The following EPHB1 variants were observed in gnomAD, a reference collection of about 807,000 sequenced individuals.
EPHB1 encodes the protein EPH receptor B1.
Under a neutral mutation model 94.4 loss-of-function variants are expected in EPHB1, and 30 were observed. The observed-to-expected ratio is 0.32, with a 90% CI of 0.24 to 0.43. The LOEUF is 0.43. EPHB1 is among the 20% of genes least tolerant of loss of function. The probability of loss-of-function intolerance (pLI) is 1.00; values close to 1 mark genes in which losing one functional copy is unlikely to be tolerated. For missense variants in EPHB1, 1,055 were observed against 1,308.3 expected (o/e 0.81, Z 2.99); for synonymous variants, 522 against 489.1 (o/e 1.07, Z -0.89).
rs115960529 is a variant in EPHB1, at chr3:135,142,710, G to A, written c.1297+9661G>A. 9.1e-3 allele frequency among the ~76,000 whole-genome samples: 1,388 copies of A among 152,242 alleles called. 7 individuals are homozygous for A. The highest frequency in any genetic ancestry group is 0.014 in the Non-Finnish European group (983 of 68,018). ...AGAGTCTAAGTGTGCCATGGAAATT[G>A]GCAGGCATGGAAGAGTTGTAGAGGC... On this transcript the variant is annotated intron_variant, in intron 5 of 15. Transcript: ENST00000398015.
intron 13 of EPHB1, 93 bp downstream of exon 13, chr3:135,241,390 C>A (rs1369790232): frequency 1.5e-5 from 23 of 1,504,204 alleles, no homozygotes; most frequent in Admixed American, 3.4e-5. Flanking sequence ...CAGCTCACGG[C>A]CTCATAATCT....
chr3:135,075,811 G>C (rs1937890649), intron 3 of EPHB1, among the ~76,000 whole-genome samples: 1 of 152,200 alleles, frequency 6.6e-6, no homozygotes, highest in African/African-American at 2.4e-5. Flanking sequence ...TGAAGGAGGA[G>C]AGATGCTCTT....
chr3:135,058,274 C>A (rs536169310), intron 3 of EPHB1, among the ~76,000 whole-genome samples: 2 of 152,170 alleles, frequency 1.3e-5, no homozygotes, highest in Non-Finnish European at 2.9e-5. Flanking sequence ...AATCAGAGCA[C>A]TAATATTTGA....
At chr3:135,076,260 T>TATATATATATATATATATATA (rs1424213544) in intron 3 of EPHB1, among the ~76,000 whole-genome samples, 2 of 104,348 alleles carry the variant, frequency 1.9e-5, no homozygotes, top group African/African-American at 7.2e-5. Context: ...TATATATATA[T>TATATATATATATATATATATA]AACTCTTAAA....
rs139570525 is a variant in EPHB1, at chr3:135,215,415, A to G, written c.2346+13726A>G. On this transcript the variant is annotated intron_variant, in intron 12 of 15. Transcript: ENST00000398015. ...CGACCTCAGGTAATCCGCCTGCCTTAGCCTCCCAAGCTGCTGGGATTACAG... is the reference window on the plus strand; with the variant it reads ...CGACCTCAGGTAATCCGCCTGCCTTGGCCTCCCAAGCTGCTGGGATTACAG... Among the ~76,000 whole-genome samples, 42 of 152,294 alleles carry G rather than the reference A, an allele frequency of 2.8e-4. No homozygotes were observed. In the East Asian group the frequency reaches 7.0e-3, roughly 25 times the overall value.
chr3:135,178,441 A>G (rs992751906), intron 9 of EPHB1, among the ~76,000 whole-genome samples: 6 of 148,948 alleles, frequency 4.0e-5, no homozygotes, highest in African/African-American at 1.3e-4. Flanking sequence ...AGCCTGGGCA[A>G]CAGAGCAAGA....
intron 12 of EPHB1, among the ~76,000 whole-genome samples, chr3:135,232,856 G>A (rs997598072): frequency 6.6e-6 from 1 of 152,114 alleles, no homozygotes; most frequent in African/African-American, 2.4e-5. Flanking sequence ...AGCAAGAAGT[G>A]CCAAGCAAAA....
At chr3:135,227,933 A>G (rs1943439174) in intron 12 of EPHB1, among the ~76,000 whole-genome samples, 3 of 152,124 alleles carry the variant, frequency 2.0e-5, no homozygotes, top group Admixed American at 1.3e-4. Flanking sequence ...GATACGTTAC[A>G]TACATCATCG....
At chr3:134,939,343 AT>A (rs1253919377) in intron 2 of EPHB1, among the ~76,000 whole-genome samples, 2 of 140,630 alleles carry the variant, frequency 1.4e-5, no homozygotes, top group African/African-American at 5.4e-5. Flanking sequence ...CCTTTCTCAA[AT>A]GGAATACCAC....
intron 12 of EPHB1, among the ~76,000 whole-genome samples, chr3:135,216,726 GAAAAAA>G (rs386397987): frequency 1.2e-4 from 13 of 105,014 alleles, no homozygotes; most frequent in African/African-American, 3.0e-4. Context: ...CTGTCTCAGG[GAAAAAA>G]AAAAAAAAAA....
At chr3:134,813,325 G>A (rs2036210698) in intron 1 of EPHB1, among the ~76,000 whole-genome samples, 1 of 152,154 alleles carries the variant, frequency 6.6e-6, no homozygotes, top group Non-Finnish European at 1.5e-5. Context: ...GAAAGGAAGG[G>A]CATTCTCCTG....
chr3:134,964,015 C>T (rs1457889985), intron 3 of EPHB1, among the ~76,000 whole-genome samples: 2 of 152,070 alleles, frequency 1.3e-5, no homozygotes, highest in Non-Finnish European at 2.9e-5. Context: ...TTCCTCTACT[C>T]CCTAAGCTCC....
At chr3:134,862,318 C>G (rs2037281458) in intron 1 of EPHB1, among the ~76,000 whole-genome samples, 1 of 151,900 alleles carries the variant, frequency 6.6e-6, no homozygotes, top group Non-Finnish European at 1.5e-5. Flanking sequence ...GAGTTGGGTC[C>G]AAAGAGGTTA....
chr3:134,974,845 G>T (rs916382443), intron 3 of EPHB1, among the ~76,000 whole-genome samples: 7 of 124,042 alleles, frequency 5.6e-5, no homozygotes, highest in Non-Finnish European at 1.7e-5. Context: ...GCATTTTCCT[G>T]TTTCCAGCAC....
At chr3:135,052,913 G>A (rs34307983) in intron 3 of EPHB1, among the ~76,000 whole-genome samples, 37,472 of 83,546 alleles carry the variant, frequency 0.45, 9,288 homozygotes, top group Middle Eastern at 0.48. Context: ...ATATATATGT[G>A]TGTGTGTGTG....
chr3:135,009,822 A>G (rs756236400), intron 3 of EPHB1, among the ~76,000 whole-genome samples: 3 of 152,248 alleles, frequency 2.0e-5, no homozygotes, highest in Non-Finnish European at 2.9e-5. Context: ...CTGTTCTGTT[A>G]TGTAAAATAA....
rs371192115 is a variant in EPHB1, at chr3:135,081,859, C to T, written c.806-24589C>T. Among the ~76,000 whole-genome samples, 8 of 152,158 alleles carry T rather than the reference C, an allele frequency of 5.3e-5. No homozygotes were observed. In the East Asian group the frequency reaches 1.4e-3, roughly 26 times the overall value. ...CCAACATCAGGAGAGCAAGAGGGCA[C>T]AGAATGCTCACCAATTTGCTGTGGG... On this transcript the variant is annotated intron_variant, in intron 3 of 15. Transcript: ENST00000398015.
At chr3:134,854,318 A>G (rs1323091642) in intron 1 of EPHB1, among the ~76,000 whole-genome samples, 1 of 152,098 alleles carries the variant, frequency 6.6e-6, no homozygotes, top group Non-Finnish European at 1.5e-5. Context: ...CAAGCCTGAA[A>G]GGAGCCGTTT....
At chr3:135,200,305 G>A (rs940443836) in intron 11 of EPHB1, among the ~76,000 whole-genome samples, 5 of 152,156 alleles carry the variant, frequency 3.3e-5, no homozygotes, top group Admixed American at 6.5e-5. Context: ...CAGAGGGAGG[G>A]CATCCACCCA....
Sources: allele counts gnomAD v4.1 joint callset (sites outside exome capture counted in the v4.1 genomes callset), GRCh38; gene constraint gnomAD v4.1.1; transcripts MANE v1.5; gene names NCBI Gene and HGNC (gene_info 2026-07-23, HGNC 2026-07-21).